SLC5A1: variants seen among roughly 807,000 people sequenced by gnomAD.
SLC5A1 encodes the protein sodium/glucose cotransporter 1.
In SLC5A1, 42 loss-of-function variants were observed where a neutral mutation model predicts 73.5. The ratio of observed to expected loss-of-function variants is 0.57; its 90% CI spans 0.45 to 0.74. The LOEUF is 0.74. Among genes scored for constraint, SLC5A1 ranks in the 30% least tolerant of loss-of-function variants. The pLI, the probability that SLC5A1 is intolerant of heterozygous loss-of-function variation, is 0.00. For synonymous variants in SLC5A1, 300 were observed against 317.4 expected (o/e 0.95, Z 0.58); for missense variants, 634 against 855.4 (o/e 0.74, Z 3.23).
At chr22:32,067,526 C>G (rs2093975774) in intron 3 of SLC5A1, among the ~76,000 whole-genome samples, 1 of 151,986 alleles carries the variant, frequency 6.6e-6, no homozygotes, top group Non-Finnish European at 1.5e-5. Context: ...CATGTGCCAC[C>G]ATGCTTGGCG....
At chr22:32,050,595 G>C (rs1193666807) in intron 2 of SLC5A1, among the ~76,000 whole-genome samples, 2 of 152,200 alleles carry the variant, frequency 1.3e-5, no homozygotes, top group South Asian at 2.1e-4. Flanking sequence ...CTGGGGTTTA[G>C]GGGGCTTTGA....
At chr22:32,059,870 T>C (rs76853252) in intron 2 of SLC5A1, among the ~76,000 whole-genome samples, 6,821 of 152,176 alleles carry the variant, frequency 0.045, 206 homozygotes, top group Non-Finnish European at 0.07. Flanking sequence ...GATGGTATCA[T>C]GGAAGTCTTG....
At position 32,086,434 on chromosome 22, in the gene SLC5A1, CG is replaced by C. The variant is rs1052718941; in HGVS notation, c.1129+113del. 5.4e-4 allele frequency: 439 copies of C among 808,206 alleles called. 3 individuals are homozygous for C. The highest frequency in any genetic ancestry group is 1.1e-3 in the Admixed American group (57 of 51,768). 50.1% of individuals were successfully genotyped at this position (808,206 alleles called of 1,614,324 possible). A position where few individuals can be genotyped will look rare whatever the true frequency, so the allele number is the denominator to read the frequency against. Reference sequence around the variant, plus strand: ...CTTCTGGGCAAAGACATTTCTTAGCCGGGGGGTTAGAAGGGAAAGCATCATT... The same window carrying C: ...CTTCTGGGCAAAGACATTTCTTAGCCGGGGGTTAGAAGGGAAAGCATCATT... On this transcript the variant is annotated intron_variant, in intron 10 of 14. Transcript: ENST00000266088.
In SLC5A1 at chr22:32,102,144, G is replaced by A; in HGVS notation, c.1572G>A (p.Val524=). The A allele has an allele frequency of 6.2e-7, 1 of 1,613,916 alleles. No homozygotes were observed. The highest frequency in any genetic ancestry group is 1.1e-5 in the South Asian group (1 of 91,070). The change falls in exon 13 of 15, where the codon GTG becomes GTA. Residue 524 remains valine (V), a synonymous_variant. Coordinates refer to ENST00000266088, the MANE Select transcript of SLC5A1 (RefSeq NM_000343.4). ...PSNCPTIICG[V]HYLYFAIILF... ...ACTGTCCCACGATTATCTGTGGGGTGCACTACTTGTACTTTGCCATTATCC... is the reference window on the plus strand; with the variant it reads ...ACTGTCCCACGATTATCTGTGGGGTACACTACTTGTACTTTGCCATTATCC...
chr22:32,099,298 C>G lies in SLC5A1; in HGVS notation c.1396C>G (p.Pro466Ala). The G allele has an allele frequency of 1.9e-6, 3 of 1,613,618 alleles. No homozygotes were observed. Among genetic ancestry groups the G allele is most frequent in the Non-Finnish European group, 2.5e-6 (3 of 1,179,820 alleles). The change falls in exon 12 of 15, where the codon CCC (proline) becomes GCC (alanine). Residue 466 changes from proline (P) to alanine (A), a missense_variant. This residue lies in a region of SLC5A1 where 422 missense variants were observed against 626.1 expected (regional missense o/e 0.67). Coordinates refer to ENST00000266088, the MANE Select transcript of SLC5A1 (RefSeq NM_000343.4). Reference sequence around the variant, plus strand: ...GTCCATCACCAGTTACTTGGGACCACCCATTGCGGCTGTCTTCCTGCTTGC... The same window carrying G: ...GTCCATCACCAGTTACTTGGGACCAGCCATTGCGGCTGTCTTCCTGCTTGC... ...IQSITSYLGP[P>A]IAAVFLLAIF... is the part of the protein sequence containing the mutation.
intron 1 of SLC5A1, among the ~76,000 whole-genome samples, chr22:32,044,606 C>T (rs2093934740): frequency 1.3e-5 from 2 of 151,856 alleles, no homozygotes; most frequent in South Asian, 2.1e-4. Context: ...CTGACTTTTC[C>T]TCAATACTCT....
chr22:32,056,539 T>C (rs1407145460), intron 2 of SLC5A1, among the ~76,000 whole-genome samples: 1 of 150,856 alleles, frequency 6.6e-6, no homozygotes. Context: ...AATCTGCATA[T>C]TCAAGATAGG....
At chr22:32,060,767 G>T (rs1439490591) in intron 2 of SLC5A1, among the ~76,000 whole-genome samples, 1 of 151,920 alleles carries the variant, frequency 6.6e-6, no homozygotes, top group East Asian at 1.9e-4. Flanking sequence ...ACGGGGTCTC[G>T]CTATGTTACC....
At chr22:32,108,479 T>C (rs541533276) in intron 14 of SLC5A1, among the ~76,000 whole-genome samples, 4 of 152,258 alleles carry the variant, frequency 2.6e-5, no homozygotes, top group Admixed American at 2.0e-4. Flanking sequence ...TATTACTCCT[T>C]CTTTCCCACT....
At chr22:32,052,471 G>A (rs1448074440) in intron 2 of SLC5A1, among the ~76,000 whole-genome samples, 2 of 152,210 alleles carry the variant, frequency 1.3e-5, no homozygotes, top group East Asian at 3.8e-4. Context: ...CATGGGTGGG[G>A]AGCTCATGAA....
chr22:32,091,298 A>AACACAC (rs67059150), intron 10 of SLC5A1, among the ~76,000 whole-genome samples: 209 of 139,058 alleles, frequency 1.5e-3, no homozygotes, highest in East Asian at 7.4e-3. Flanking sequence ...CACATACACA[A>AACACAC]ACACACACAC....
intron 12 of SLC5A1, among the ~76,000 whole-genome samples, chr22:32,101,146 G>C (rs2094035594): frequency 6.6e-6 from 1 of 152,202 alleles, no homozygotes; most frequent in African/African-American, 2.4e-5. Context: ...GGAATAGAAA[G>C]TGCAGGGATA....
At chr22:32,103,669 T>C (rs998740633) in intron 13 of SLC5A1, among the ~76,000 whole-genome samples, 4 of 152,228 alleles carry the variant, frequency 2.6e-5, no homozygotes, top group East Asian at 1.9e-4. Context: ...ACAAAGCACA[T>C]ACCTAGTTAC....
At chr22:32,068,728 C>A (rs2093978270) in intron 5 of SLC5A1, 128 bp downstream of exon 5, 4 of 710,792 alleles carry the variant, frequency 5.6e-6, no homozygotes, top group South Asian at 4.5e-5. Flanking sequence ...CTTCTTGCGC[C>A]TTGGAGTAGA....
intron 5 of SLC5A1, among the ~76,000 whole-genome samples, chr22:32,079,947 C>T (rs2093996957): frequency 6.6e-6 from 1 of 152,182 alleles, no homozygotes; most frequent in Non-Finnish European, 1.5e-5. Context: ...CGGTCCAGAA[C>T]CCGGGAGAAG....
intron 9 of SLC5A1, 78 bp downstream of exon 9, chr22:32,085,113 C>T (rs971701388): frequency 2.6e-5 from 41 of 1,550,644 alleles, no homozygotes; most frequent in Non-Finnish European, 3.3e-5. Flanking sequence ...TATAGCTTCC[C>T]GCTTCCTCCT....
At chr22:32,104,127 C>A (rs2094040985) in intron 13 of SLC5A1, among the ~76,000 whole-genome samples, 1 of 152,320 alleles carries the variant, frequency 6.6e-6, no homozygotes, top group South Asian at 2.1e-4. Flanking sequence ...TAACGTCAAA[C>A]AAAGACTGCT....
At chr22:32,085,204 C>A (rs1217828758) in intron 9 of SLC5A1, among the ~76,000 whole-genome samples, 169 bp downstream of exon 9, 1 of 152,192 alleles carries the variant, frequency 6.6e-6, no homozygotes, top group Non-Finnish European at 1.5e-5. Context: ...CAGTCTCCAA[C>A]TCTAACTCCT....
At position 32,108,232 on chromosome 22, in the gene SLC5A1, G is replaced by A. The variant is rs540302591; in HGVS notation, c.1772-1758G>A. On this transcript the variant is annotated intron_variant, in intron 14 of 14. Coordinates refer to ENST00000266088, the MANE Select transcript of SLC5A1 (RefSeq NM_000343.4). ...CGCCATTCTCCTGCCTCAGCCTCCCGAGTAGCTGGGACTACATGCCACCAT... is the reference window on the plus strand; with the variant it reads ...CGCCATTCTCCTGCCTCAGCCTCCCAAGTAGCTGGGACTACATGCCACCAT... 1.3e-4 allele frequency among the ~76,000 whole-genome samples: 20 copies of A among 151,630 alleles called. 1 individual carries two copies. Among genetic ancestry groups the A allele is most frequent in the South Asian group, 4.2e-4 (2 of 4,788 alleles).
Sources: allele counts gnomAD v4.1 joint callset (sites outside exome capture counted in the v4.1 genomes callset), GRCh38; gene constraint gnomAD v4.1.1; regional missense constraint gnomAD v4.1.1; transcripts MANE v1.5; gene names NCBI Gene and HGNC (gene_info 2026-07-23, HGNC 2026-07-21).